Variants in TAF1A observed in about 807,000 individuals in gnomAD.
TAF1A encodes the protein TATA-box binding protein associated factor, RNA polymerase I subunit A.
TAF1A carries 42 observed loss-of-function variants against 61.6 expected under a neutral mutation model. The observed-to-expected ratio is 0.68, with a 90% CI of 0.53 to 0.88. The LOEUF is 0.88. Among genes scored for constraint, TAF1A ranks in the 40% least tolerant of loss-of-function variants. The pLI is 0.00. For synonymous variants in TAF1A, 179 were observed against 177.7 expected, an observed-to-expected ratio of 1.01 and a Z score of -0.06; for missense variants, 424 against 518.7, an observed-to-expected ratio of 0.82 and a Z score of 1.77.
In TAF1A at chr1:222,564,052, T is replaced by G; in HGVS notation, c.961+7A>C. On this transcript the variant is annotated splice_region_variant and intron_variant, in intron 8 of 10. Transcript: ENST00000352967. ...ACACAAGGTATAAAACAACATTTAT[T>G]TATTACCTGATTTTCTAAGTAATGT... is the stretch of plus-strand genomic sequence containing the variant. 1 of 1,506,772 alleles carries G rather than the reference T, an allele frequency of 6.6e-7. No individual in the cohort carries two copies. The highest frequency in any genetic ancestry group is 9.2e-7 in the Non-Finnish European group (1 of 1,087,520). The allele number at this position is 1,506,772 out of a possible 1,614,324, so 93.3% of individuals were successfully genotyped here. A position where few individuals can be genotyped will look rare whatever the true frequency, so the allele number is the denominator to read the frequency against.
intron 2 of TAF1A, 100 bp downstream of exon 2, chr1:222,588,343 C>A: frequency 2.1e-6 from 3 of 1,420,118 alleles, no homozygotes; most frequent in Non-Finnish European, 2.8e-6. Context: ...CCACATATTC[C>A]TCTTGAAAAT....
At chr1:222,587,225 G>A (rs1661051168) in intron 2 of TAF1A, among the ~76,000 whole-genome samples, 1 of 152,192 alleles carries the variant, frequency 6.6e-6, no homozygotes. Flanking sequence ...TTATGCATGA[G>A]ATACTATGCT....
intron 2 of TAF1A, among the ~76,000 whole-genome samples, chr1:222,585,652 C>T (rs1299813636): frequency 2.0e-5 from 3 of 151,982 alleles, no homozygotes; most frequent in Non-Finnish European, 4.4e-5. Flanking sequence ...CAGCTGTGTA[C>T]AACTATTAAT....
Position 222,568,330 on chromosome 1 carries a change from CA to C in TAF1A, c.894+1179del, listed in dbSNP as rs531812971. Among the ~76,000 whole-genome samples, 539 of 151,854 alleles carry C rather than the reference CA, an allele frequency of 3.5e-3. 3 individuals carry two copies. The highest frequency in any genetic ancestry group is 5.8e-3 in the Non-Finnish European group (394 of 67,908). On this transcript the variant is annotated intron_variant, in intron 7 of 10. Coordinates refer to ENST00000352967, the MANE Select transcript of TAF1A (RefSeq NM_005681.4). ...CTTTGAAAGATACTATTAAGGAAAC[CA>C]AAAGGCAAGGCACAGTCAGAGAGAA...
chr1:222,572,928 A>T (rs1660418734), intron 5 of TAF1A, among the ~76,000 whole-genome samples: 1 of 152,178 alleles, frequency 6.6e-6, no homozygotes, highest in Admixed American at 6.5e-5. Context: ...GTTAAATTAA[A>T]CCTCATCAAA....
chr1:222,561,273 C>G, intron 10 of TAF1A, 91 bp downstream of exon 10: 1 of 1,333,886 alleles, frequency 7.5e-7, no homozygotes, highest in Non-Finnish European at 1.0e-6. Flanking sequence ...TTTTAGGTAC[C>G]ATGTTAGGTA....
At position 222,579,807 on chromosome 1, in the gene TAF1A, A is replaced by T; in HGVS notation, c.357T>A (p.Asn119Lys). ...TATTTTTCATCCGGTTAGCAAAAGT[A>T]TTGAAACTCTCCATGTTGCTTTTGG... ...YHPKSNMESF[N>K]TFANRMKNIG... Residue 119 changes from asparagine to lysine, a missense_variant, in exon 4 of 11, where the codon AAT becomes AAA. Transcript: ENST00000352967. 6.2e-7 allele frequency: 1 copy of T among 1,612,112 alleles called. No homozygotes were observed. Among genetic ancestry groups the T allele is most frequent in the Non-Finnish European group, 8.5e-7 (1 of 1,179,542 alleles).
At chr1:222,559,110 G>A (rs1659813003) in intron 10 of TAF1A, among the ~76,000 whole-genome samples, 1 of 152,152 alleles carries the variant, frequency 6.6e-6, no homozygotes, top group African/African-American at 2.4e-5. Context: ...ACACCCTAGT[G>A]ATGGTGACAG....
intron 7 of TAF1A, chr1:222,568,803 G>C (rs1250963708): frequency 6.6e-6 from 1 of 152,230 alleles, no homozygotes; most frequent in African/African-American, 2.4e-5. Context: ...TCTTGTACAT[G>C]AATGTTCTCA....
rs542849035 is a variant in TAF1A, at chr1:222,582,652, G to A, written c.291+1476C>T. ...CACAAAAACCTGTACACAAATGTTC[G>A]CAGAAGCATTATTTCCAATAACCGA... is the stretch of plus-strand genomic sequence containing the variant. On this transcript the variant is annotated intron_variant, in intron 3 of 10. Coordinates refer to ENST00000352967, the MANE Select transcript of TAF1A (RefSeq NM_005681.4). Among the ~76,000 whole-genome samples the A allele has an allele frequency of 1.5e-4, 23 of 152,246 alleles. No individual in the cohort carries two copies. In the South Asian group the frequency reaches 3.9e-3, roughly 26 times the overall value.
chr1:222,561,431 A>G lies in TAF1A; in HGVS notation c.1173T>C (p.Ser391=), dbSNP rs750944344. 3 of 1,612,522 alleles carry G rather than the reference A, an allele frequency of 1.9e-6. No individual in the cohort carries two copies. Among genetic ancestry groups the G allele is most frequent in the Non-Finnish European group, 2.5e-6 (3 of 1,179,302 alleles). ...CCAAAGCTGTATCTTCCTTCCAATCACTTTTTGCCCAAAAGTAGCTGAAAT... is the reference window on the plus strand; with the variant it reads ...CCAAAGCTGTATCTTCCTTCCAATCGCTTTTTGCCCAAAAGTAGCTGAAAT... The part of the protein sequence containing the change: ...GFHFSYFWAK[S]DWKEDTALAC... Residue 391 remains serine, a synonymous_variant, in exon 10 of 11, where the codon AGT becomes AGC. Coordinates refer to ENST00000352967, the MANE Select transcript of TAF1A (RefSeq NM_005681.4).
At chr1:222,576,417 G>C (rs1264080130) in intron 5 of TAF1A, among the ~76,000 whole-genome samples, 4 of 152,214 alleles carry the variant, frequency 2.6e-5, no homozygotes, top group African/African-American at 4.8e-5. Flanking sequence ...GTGATAAATA[G>C]TAGGACTAAG....
At chr1:222,556,380 C>T (rs192181685), downstream of TAF1A, among the ~76,000 whole-genome samples, 8 of 152,302 alleles carry the variant, frequency 5.3e-5, no homozygotes, top group Non-Finnish European at 1.0e-4. Context: ...ATGTAGTCAA[C>T]ACTGACTGCA....
At chr1:222,577,273 G>A (rs1473003271) in intron 5 of TAF1A, among the ~76,000 whole-genome samples, 172 bp downstream of exon 5, 1 of 152,092 alleles carries the variant, frequency 6.6e-6, no homozygotes, top group African/African-American at 2.4e-5. Context: ...ATTTATGATT[G>A]AAGCTTTTTA....
chr1:222,563,796 C>T (rs534151143), intron 8 of TAF1A, among the ~76,000 whole-genome samples: 15 of 152,278 alleles, frequency 9.9e-5, no homozygotes, highest in Middle Eastern at 3.4e-3. Context: ...CATTGTGTAA[C>T]AGGAGTAGGC....
At chr1:222,579,956 C>A in intron 3 of TAF1A, 84 bp from the exon 4 acceptor site, 1 of 1,468,992 alleles carries the variant, frequency 6.8e-7, no homozygotes, top group Non-Finnish European at 9.1e-7. Flanking sequence ...CTGATTACAA[C>A]ATTAATAACC....
chr1:222,588,402 T>A (rs780232569), intron 2 of TAF1A, 41 bp downstream of exon 2: 2 of 1,598,136 alleles, frequency 1.3e-6, no homozygotes, highest in African/African-American at 2.7e-5. Flanking sequence ...TCTTACCACC[T>A]CCTTAAAGTT....
chr1:222,564,888 A>G (rs1279615129), intron 7 of TAF1A, among the ~76,000 whole-genome samples: 1 of 152,214 alleles, frequency 6.6e-6, no homozygotes, highest in East Asian at 1.9e-4. Flanking sequence ...AGATCAATAC[A>G]CCAATATCAG....
intron 10 of TAF1A, 29 bp downstream of exon 10, chr1:222,561,335 T>C (rs1027176309): frequency 6.3e-7 from 1 of 1,587,676 alleles, no homozygotes; most frequent in South Asian, 1.2e-5. Context: ...CAAAGCTGTG[T>C]CTAGATAAAA....
Sources: gnomAD v4.1 joint callset for allele counts (sites outside exome capture counted in the v4.1 genomes callset) on GRCh38, gnomAD v4.1.1 for gene constraint, MANE v1.5 for transcripts, NCBI Gene and HGNC (gene_info 2026-07-23, HGNC 2026-07-21) for gene names.